MSL3: variants seen among roughly 807,000 people sequenced by gnomAD.
MSL3 encodes MSL complex subunit 3.
Under a neutral mutation model 37.2 loss-of-function variants are expected in MSL3, and 5 were observed. The observed-to-expected ratio is 0.13, with a 90% CI of 0.07 to 0.28. The LOEUF (loss-of-function observed/expected upper bound fraction) is 0.28. Among genes scored for constraint, MSL3 ranks in the 10% least tolerant of loss-of-function variants. The pLI is 1.00. For synonymous variants in MSL3, 149 were observed against 147.6 expected, an observed-to-expected ratio of 1.01 and a Z score of -0.07; for missense variants, 315 against 408.5, an observed-to-expected ratio of 0.77 and a Z score of 1.97.
intron 5 of MSL3, 24 bp from the exon 6 acceptor site, chrX:11,762,106 A>G (rs1300231526): frequency 2.7e-6 from 3 of 1,126,098 alleles, no homozygotes; most frequent in Non-Finnish European, 2.4e-6. Context: ...TTAAATAGTT[A>G]AAAATGGAAT....
At chrX:11,762,816 T>C in intron 6 of MSL3, 21 bp from the exon 7 acceptor site, 1 of 1,192,524 alleles carries the variant, frequency 8.4e-7, no homozygotes, top group African/African-American at 1.7e-5. Flanking sequence ...ATACATCAGA[T>C]GTCTATGTTT....
At chrX:11,774,510 G>A (rs1484407289) in intron 12 of MSL3, among the ~76,000 whole-genome samples, 1 of 110,815 alleles carries the variant, frequency 9.0e-6, no homozygotes, top group Non-Finnish European at 1.9e-5. Flanking sequence ...TAGTAGAGAC[G>A]GGGTTTCACT....
intron 2 of MSL3, 50 bp from the exon 3 acceptor site, chrX:11,760,353 T>C: frequency 1.1e-6 from 1 of 910,557 alleles, no homozygotes; most frequent in South Asian, 2.5e-5. Flanking sequence ...CTTTTAGTCG[T>C]TGTTTCATAT....
chrX:11,768,140 C>T (rs909303520), intron 9 of MSL3, among the ~76,000 whole-genome samples: 1 of 111,399 alleles, frequency 9.0e-6, no homozygotes, highest in East Asian at 2.8e-4. Context: ...CAGAGTTGTG[C>T]GACCATCTGC....
At chrX:11,760,809 A>T (rs757486008) in intron 3 of MSL3, 28 bp from the exon 4 acceptor site, 1 of 1,129,969 alleles carries the variant, frequency 8.8e-7, no homozygotes, top group Non-Finnish European at 1.2e-6. Flanking sequence ...GTCAAAACTT[A>T]TTTCAGTTGT....
chrX:11,764,102 A>G, intron 8 of MSL3, 164 bp downstream of exon 8: 1 of 445,659 alleles, frequency 2.2e-6, no homozygotes, highest in East Asian at 4.0e-5. Flanking sequence ...GGGTAAGCTA[A>G]GTCATCATTC....
intron 9 of MSL3, chrX:11,766,035 A>G (rs2053179960): frequency 3.1e-6 from 3 of 967,047 alleles, no homozygotes; most frequent in Non-Finnish European, 3.9e-6. Context: ...AGCTAGGCCT[A>G]ATGAAGCATT....
At chrX:11,766,808 C>T (rs1299368736) in intron 9 of MSL3, 52 of 753,165 alleles carry the variant, frequency 6.9e-5, no homozygotes, top group Non-Finnish European at 7.2e-5. Context: ...TTTCACAGAG[C>T]TCAGCTGCTC....
At chrX:11,765,882 G>A in intron 9 of MSL3, 153 bp downstream of exon 9, 1 of 1,114,954 alleles carries the variant, frequency 9.0e-7, no homozygotes, top group Non-Finnish European at 1.2e-6. Context: ...GCTTTCTGGA[G>A]CTGTAGAAAG....
chrX:11,772,137 C>T lies in MSL3; in HGVS notation c.1282-19C>T. On this transcript the variant is annotated intron_variant, in intron 10 of 12. Transcript: ENST00000312196. Reference sequence around the variant, plus strand: ...CTCCATTAAGAATAACAAAAGCATTCAATTCGTGCTTTTTCCAGGTCCTCT... The same window carrying T: ...CTCCATTAAGAATAACAAAAGCATTTAATTCGTGCTTTTTCCAGGTCCTCT... The T allele has an allele frequency of 8.8e-7, 1 of 1,132,206 alleles. No individual in the cohort carries two copies. The highest frequency in any genetic ancestry group is 1.8e-5 in the African/African-American group (1 of 55,938). The allele number at this position is 1,132,206 out of a possible 1,213,427, so 93.3% of individuals were successfully genotyped here. A position where few individuals can be genotyped will look rare whatever the true frequency, so the allele number is the denominator to read the frequency against.
intron 12 of MSL3, 63 bp from the exon 13 acceptor site, chrX:11,774,917 T>C: frequency 1.3e-6 from 1 of 798,195 alleles, no homozygotes; most frequent in Non-Finnish European, 1.9e-6. Flanking sequence ...TGAAAGTCAA[T>C]ATTTTGCTTG....
rs764841068 is a variant in MSL3, at chrX:11,763,924, C to T, written c.894C>T (p.Ala298=). 2.7e-5 allele frequency: 33 copies of T among 1,207,072 alleles called. No individual in the cohort carries two copies. Among genetic ancestry groups the T allele is most frequent in the Non-Finnish European group, 3.6e-5 (32 of 892,544 alleles). ...SKFFLPIKES[A]TSTNRSQEEL... Reference sequence around the variant, plus strand: ...TTTTTCTTCCAATTAAGGAAAGTGCCACAAGCACTAACAGGTAAGTTATAT... The same window carrying T: ...TTTTTCTTCCAATTAAGGAAAGTGCTACAAGCACTAACAGGTAAGTTATAT... Residue 298 remains alanine, a synonymous_variant, in exon 8 of 13, where the codon GCC becomes GCT. Coordinates refer to ENST00000312196, the MANE Select transcript of MSL3 (RefSeq NM_078629.4).
chrX:11,774,661 T>C (rs768684634), intron 12 of MSL3, among the ~76,000 whole-genome samples: 7 of 111,446 alleles, frequency 6.3e-5, no homozygotes, highest in Non-Finnish European at 1.3e-4. Flanking sequence ...AACAGAAAAA[T>C]GTAGAAACAT....
intron 10 of MSL3, among the ~76,000 whole-genome samples, chrX:11,770,081 C>T (rs1017332462): frequency 4.4e-5 from 5 of 112,974 alleles, no homozygotes; most frequent in African/African-American, 1.6e-4. Context: ...GGGTGTGGCT[C>T]TGTGTGCTGC....
At chrX:11,773,335 G>A (rs2147253884) in intron 12 of MSL3, among the ~76,000 whole-genome samples, 1 of 111,747 alleles carries the variant, frequency 8.9e-6, no homozygotes, top group Non-Finnish European at 1.9e-5. Flanking sequence ...TTCAAGGCTA[G>A]TTGTCCCCCT....
intron 8 of MSL3, among the ~76,000 whole-genome samples, chrX:11,764,806 A>G (rs1419091894): frequency 1.8e-5 from 2 of 110,835 alleles, no homozygotes; most frequent in East Asian, 2.8e-4. Context: ...CCTGGCCGCC[A>G]TCTCCTCTCA....
At position 11,767,874 on chromosome X, in the gene MSL3, A is replaced by C. The variant is rs999201990; in HGVS notation, c.1172-699A>C. Reference sequence around the variant, plus strand: ...GGAATCATCTGTATGTAAGTGGTTAATAAGGATTGGTTGATTGAAGATTGA... The same window carrying C: ...GGAATCATCTGTATGTAAGTGGTTACTAAGGATTGGTTGATTGAAGATTGA... On this transcript the variant is annotated intron_variant, in intron 9 of 12. Coordinates refer to ENST00000312196, the MANE Select transcript of MSL3 (RefSeq NM_078629.4). 15 of 752,833 alleles carry C rather than the reference A, an allele frequency of 2.0e-5. No homozygotes were observed. In the African/African-American group the frequency reaches 2.5e-4, roughly 13 times the overall value. The allele number at this position is 752,833 out of a possible 1,213,427, so 62.0% of individuals were successfully genotyped here.
chrX:11,770,362 T>C (rs1281228772), intron 10 of MSL3, among the ~76,000 whole-genome samples: 3 of 111,936 alleles, frequency 2.7e-5, no homozygotes, highest in African/African-American at 6.5e-5. Context: ...CTACGAATTT[T>C]ATTATTGAGG....
chrX:11,774,381 G>T (rs758843793), intron 12 of MSL3, among the ~76,000 whole-genome samples: 2 of 111,667 alleles, frequency 1.8e-5, no homozygotes, highest in Admixed American at 1.9e-4. Flanking sequence ...GTGCAGTGGC[G>T]TGATCTCGGC....
Sources: allele counts gnomAD v4.1 joint callset (sites outside exome capture counted in the v4.1 genomes callset), GRCh38; gene constraint gnomAD v4.1.1; transcripts MANE v1.5; gene names NCBI Gene and HGNC (gene_info 2026-07-23, HGNC 2026-07-21).